SYNE2: variants seen among roughly 807,000 people sequenced by gnomAD.
SYNE2 encodes the protein nesprin-2.
A neutral mutation model predicts 856.3 loss-of-function variants in SYNE2; 431 were observed. That is an observed-to-expected ratio of 0.50 (90% confidence interval 0.47 to 0.55). SYNE2 has a LOEUF of 0.55. Among genes scored for constraint, SYNE2 ranks in the 20% least tolerant of loss-of-function variants. SYNE2 has a pLI of 0.00. For missense variants in SYNE2, 8,129 were observed against 8,023.2 expected (o/e 1.01, Z -0.50); for synonymous variants, 2,923 against 2,872.3 (o/e 1.02, Z -0.56).
chr14:63,981,607 A>G (rs2096586161), intron 16 of SYNE2, among the ~76,000 whole-genome samples: 1 of 152,170 alleles, frequency 6.6e-6, no homozygotes, highest in Non-Finnish European at 1.5e-5. Flanking sequence ...CTGAGTTTCT[A>G]TAGGAGGAAA....
intron 6 of SYNE2, among the ~76,000 whole-genome samples, chr14:63,943,676 TTA>T (rs369403771): frequency 0.46 from 64,969 of 141,430 alleles, 15,159 homozygotes; most frequent in South Asian, 0.54. Flanking sequence ...CTTATTATTA[TTA>T]TTTTTTTTTT....
In SYNE2 at chr14:64,107,649, G is replaced by A. The variant is rs374252500; in HGVS notation, c.12609+42G>A. The A allele has an allele frequency of 4.2e-4, 619 of 1,466,224 alleles. 2 individuals carry two copies. The highest frequency in any genetic ancestry group is 5.7e-4 in the Non-Finnish European group (599 of 1,045,726). 90.8% of individuals were successfully genotyped at this position (1,466,224 alleles called of 1,614,324 possible). A position where few individuals can be genotyped will look rare whatever the true frequency, so the allele number is the denominator to read the frequency against. The stretch of plus-strand genomic sequence containing the variant: ...AATAAGTAAACTGCTCAGATAGCTG[G>A]ACTAGCACCTAGAGATGACCAGTGT... On this transcript the variant is annotated intron_variant, in intron 65 of 115. Transcript: ENST00000555002.
Position 63,967,779 on chromosome 14 carries a change from G to C in SYNE2, c.1061G>C (p.Arg354Pro). 1 of 1,613,900 alleles carries C rather than the reference G, an allele frequency of 6.2e-7. No individual in the cohort carries two copies. The highest frequency in any genetic ancestry group is 8.5e-7 in the Non-Finnish European group (1 of 1,179,830). Reference sequence around the variant, plus strand: ...TTTTTGGATGTCCTGTCAATAAAACGGGATCTGGATGAGCTGGACAAGGAT... The same window carrying C: ...TTTTTGGATGTCCTGTCAATAAAACCGGATCTGGATGAGCTGGACAAGGAT... ...KSFLDVLSIK[R>P]DLDELDKDHL... The change falls in exon 11 of 116, where the codon CGG becomes CCG. Residue 354 changes from arginine (R) to proline (P), a missense_variant. Physicochemically the swap from Arg to Pro is moderately radical, Grantham distance 103. This residue lies in a region of SYNE2 where 2,422 missense variants were observed against 2,357.4 expected (regional missense o/e 1.03). Coordinates refer to ENST00000555002, the MANE Select transcript of SYNE2 (RefSeq NM_182914.3).
chr14:64,002,199 A>AAT, intron 29 of SYNE2, 118 bp downstream of exon 29: 1 of 933,442 alleles, frequency 1.1e-6, no homozygotes, highest in South Asian at 1.5e-5. Flanking sequence ...AAGCCATGAC[A>AAT]GTTTTTTTTT....
At position 64,052,437 on chromosome 14, in the gene SYNE2, A is replaced by G. The variant is rs370213701; in HGVS notation, c.8524A>G (p.Ile2842Val). ...GGAAGAAAGAAGCAATTTTTTTGCT[A>G]TAATAAGGAAGTTTCAACTTATGGT... ...KLEERSNFFA[I>V]IRKFQLMVQE... Residue 2842 changes from isoleucine to valine, a missense_variant, in exon 48 of 116, where the codon ATA becomes GTA. Transcript: ENST00000555002. The G allele has an allele frequency of 1.6e-5, 26 of 1,612,876 alleles. No individual in the cohort carries two copies. Among genetic ancestry groups the G allele is most frequent in the African/African-American group, 1.3e-4 (10 of 74,784 alleles).
chr14:64,155,591 G>A (rs896411668), intron 85 of SYNE2, among the ~76,000 whole-genome samples: 4 of 148,998 alleles, frequency 2.7e-5, no homozygotes, highest in African/African-American at 7.5e-5. Flanking sequence ...AAAAAAAAAC[G>A]CAGAAGGCGT....
At chr14:63,769,256 T>C (rs748725536) in intron 1 of SYNE2, among the ~76,000 whole-genome samples, 1 of 152,124 alleles carries the variant, frequency 6.6e-6, no homozygotes, top group African/African-American at 2.4e-5. Context: ...AATCTAAGAA[T>C]AGAGAATCAG....
intron 1 of SYNE2, among the ~76,000 whole-genome samples, chr14:63,815,259 A>C (rs572409900): frequency 7.0e-5 from 5 of 71,082 alleles, no homozygotes; most frequent in African/African-American, 1.7e-4. Context: ...TATATATATA[A>C]GGGAGTTTAT....
intron 1 of SYNE2, among the ~76,000 whole-genome samples, chr14:63,779,433 T>C (rs1368213593): frequency 8.3e-6 from 1 of 119,916 alleles, no homozygotes; most frequent in Non-Finnish European, 1.8e-5. Context: ...TGCGCTTGAC[T>C]GGTCTCAAAA....
rs759174521 is a variant in SYNE2 at position 64,225,345 on chromosome 14, G to A, written c.20543G>A (p.Arg6848His). The change falls in exon 116 of 116, where the codon CGC becomes CAC. Residue 6848 changes from arginine to histidine, a missense_variant. Around this residue, in one of 3 missense-constraint regions of SYNE2, gnomAD observed 5,410 missense variants for 5,284.8 expected, o/e 1.02. Transcript: ENST00000555002. The stretch of plus-strand genomic sequence containing the variant: ...GTCCCCGGCAGCACACGGCCACAGC[G>A]CTCCTTCCTCTCAAGGGTGGTCCGG... Reference protein sequence around the residue: ...SRVPGSTRPQRSFLSRVVRAA... With the variant: ...SRVPGSTRPQHSFLSRVVRAA... 1.6e-5 allele frequency: 26 copies of A among 1,613,966 alleles called. No individual in the cohort carries two copies. The highest frequency in any genetic ancestry group is 2.2e-5 in the South Asian group (2 of 91,076).
chr14:64,184,733 A>G (rs2098480165), intron 96 of SYNE2, among the ~76,000 whole-genome samples: 1 of 152,206 alleles, frequency 6.6e-6, no homozygotes, highest in Admixed American at 6.5e-5. Flanking sequence ...ACCAATCGTG[A>G]GACCAAAAGT....
chr14:64,130,311 T>C (rs2098002516), intron 76 of SYNE2, 63 bp downstream of exon 76: 1 of 1,370,686 alleles, frequency 7.3e-7, no homozygotes, highest in Admixed American at 1.9e-5. Flanking sequence ...TATTTCTGAA[T>C]GTGAACAGAA....
At chr14:63,843,217 G>C (rs1296004961) in intron 1 of SYNE2, among the ~76,000 whole-genome samples, 1 of 150,716 alleles carries the variant, frequency 6.6e-6, no homozygotes, top group Non-Finnish European at 1.5e-5. Flanking sequence ...TTATGCCCGT[G>C]TGTGTGTGTG....
intron 1 of SYNE2, among the ~76,000 whole-genome samples, chr14:63,789,308 TCTC>T (rs1389725260): frequency 6.6e-6 from 1 of 152,198 alleles, no homozygotes; most frequent in East Asian, 1.9e-4. Flanking sequence ...TTATCCTAGA[TCTC>T]CTGTTTCCTG....
At chr14:64,218,816 T>C (rs2098678949) in intron 109 of SYNE2, among the ~76,000 whole-genome samples, 1 of 152,216 alleles carries the variant, frequency 6.6e-6, no homozygotes, top group Admixed American at 6.5e-5. Context: ...ATCAGTGTTA[T>C]CTCAAGTGTC....
chr14:64,219,937 A>G (rs2098686934), intron 110 of SYNE2, among the ~76,000 whole-genome samples: 1 of 152,206 alleles, frequency 6.6e-6, no homozygotes, highest in Non-Finnish European at 1.5e-5. Context: ...GCAAAGGGAC[A>G]GTTTGAGCCC....
rs549959846 is a variant in SYNE2, at chr14:63,951,266, G to A, written c.590+1260G>A. On this transcript the variant is annotated intron_variant, in intron 7 of 115. Transcript: ENST00000555002. ...CAGAGTAAGTCCTTTCTGCTGAAAG[G>A]CCAAGATAGAGCTGAAGTTCTGCTT... Among the ~76,000 whole-genome samples, 101 of 152,186 alleles carry A rather than the reference G, an allele frequency of 6.6e-4. 3 individuals are homozygous for A. In the South Asian group the frequency reaches 0.02, roughly 30 times the overall value.
chr14:63,961,518 C>T lies in SYNE2; in HGVS notation c.788-7C>T, dbSNP rs769211907. ...ACAGCTAATTGATAGTGTGGTGTAT[C>T]TTGCAGATGTGGATGTTGTTGATCC... On this transcript the variant is annotated splice_region_variant and splice_polypyrimidine_tract_variant and intron_variant, in intron 8 of 115. Transcript: ENST00000555002. 1 of 1,608,138 alleles carries T rather than the reference C, an allele frequency of 6.2e-7. No homozygotes were observed. Among genetic ancestry groups the T allele is most frequent in the Non-Finnish European group, 8.5e-7 (1 of 1,174,864 alleles).
chr14:64,175,198 T>C lies in SYNE2; in HGVS notation c.17430+60T>C. ...TCAAATTCAGTACATAGATTTTCAT[T>C]TGTGGTGTGAAAATGGAAATGGTTT... On this transcript the variant is annotated intron_variant, in intron 95 of 115. Transcript: ENST00000555002. The C allele has an allele frequency of 3.1e-6, 5 of 1,589,278 alleles. No homozygotes were observed. The South Asian group carries it at 4.5e-5, about 14-fold the overall frequency.
Sources: gnomAD v4.1 joint callset for allele counts (sites outside exome capture counted in the v4.1 genomes callset) on GRCh38, gnomAD v4.1.1 for gene constraint, gnomAD v4.1.1 regional missense constraint, MANE v1.5 for transcripts, NCBI Gene and HGNC (gene_info 2026-07-23, HGNC 2026-07-21) for gene names.